NCLN: variants seen among roughly 807,000 people sequenced by gnomAD.
NCLN encodes BOS complex subunit NCLN.
In NCLN, 34 loss-of-function variants were observed where a neutral mutation model predicts 69.5. That is an observed-to-expected ratio of 0.49 (90% CI 0.37 to 0.65). The LOEUF (loss-of-function observed/expected upper bound fraction) is 0.65. Among genes scored for constraint, NCLN ranks in the 30% least tolerant of loss-of-function variants. The probability of loss-of-function intolerance (pLI) is 0.00; values close to 1 mark genes in which losing one functional copy is unlikely to be tolerated. For missense variants in NCLN, 710 were observed against 804.8 expected (o/e 0.88, Z 1.42); for synonymous variants, 393 against 358.3 (o/e 1.10, Z -1.09).
intron 5 of NCLN, among the ~76,000 whole-genome samples, chr19:3,200,553 G>T (rs953334603): frequency 6.6e-6 from 1 of 151,270 alleles, no homozygotes; most frequent in African/African-American, 2.4e-5. Flanking sequence ...CTTGTAATCT[G>T]CCCATCTTGG....
intron 1 of NCLN, among the ~76,000 whole-genome samples, chr19:3,189,511 G>T (rs539168326): frequency 2.0e-5 from 3 of 152,362 alleles, no homozygotes; most frequent in African/African-American, 7.2e-5. Flanking sequence ...GAGGGGAAAG[G>T]TTGGCCGTCT....
intron 1 of NCLN, among the ~76,000 whole-genome samples, chr19:3,190,734 CCCCGGCCCCCCTGCGTCAGGCCTGTA>C (rs373278029): frequency 0.012 from 1,781 of 152,254 alleles, 39 homozygotes; most frequent in African/African-American, 0.04. Context: ...CGGGGCCCGC[CCCCGGCCCCCCTGCGTCAGGCCTGTA>C]CCCGGCCCCC....
At chr19:3,201,416 G>A (rs1467255172) in intron 5 of NCLN, 107 bp from the exon 6 acceptor site, 2 of 757,214 alleles carry the variant, frequency 2.6e-6, no homozygotes, top group African/African-American at 1.7e-5. Context: ...GGCTACGGGA[G>A]TAGGGTGGGG....
Position 3,207,475 on chromosome 19 carries a change from C to T in NCLN, c.1632+6C>T, listed in dbSNP as rs1410575557. 1 of 1,612,686 alleles carries T rather than the reference C, an allele frequency of 6.2e-7. No individual in the cohort carries two copies. Among genetic ancestry groups the T allele is most frequent in the South Asian group, 1.1e-5 (1 of 91,088 alleles). On this transcript the variant is annotated splice_donor_region_variant and intron_variant, in intron 14 of 14. Coordinates refer to ENST00000246117, the MANE Select transcript of NCLN (RefSeq NM_020170.4). ...TGGCCTACGTGGCTGTCCAGGTGAGCAGTGCCCAGGCTCAGGTGGGGCAGG... is the reference window on the plus strand; with the variant it reads ...TGGCCTACGTGGCTGTCCAGGTGAGTAGTGCCCAGGCTCAGGTGGGGCAGG...
intron 1 of NCLN, among the ~76,000 whole-genome samples, chr19:3,189,154 C>A (rs952862498): frequency 6.6e-6 from 1 of 152,220 alleles, no homozygotes; most frequent in East Asian, 1.9e-4. Flanking sequence ...CACAGCACCC[C>A]TCTCCTGGGA....
rs950644314 is a variant in NCLN, at chr19:3,206,256, C to T, written c.1336-6C>T. 1.3e-6 allele frequency: 2 copies of T among 1,544,980 alleles called. No homozygotes were observed. The highest frequency in any genetic ancestry group is 1.4e-5 in the African/African-American group (1 of 72,958). ...CAGGCCATGACTACCACCACCGTCC[C>T]TACAGCAGATCCAGCAGGAGCAGCT... On this transcript the variant is annotated splice_region_variant and splice_polypyrimidine_tract_variant and intron_variant, in intron 11 of 14. Transcript: ENST00000246117.
Position 3,209,550 on chromosome 19 carries a change from A to G in NCLN, c.*1862A>G, listed in dbSNP as rs1484951738. 6.6e-6 allele frequency: 1 copy of G among 152,298 alleles called. No homozygotes were observed. Among genetic ancestry groups the G allele is most frequent in the Non-Finnish European group, 1.5e-5 (1 of 68,082 alleles). The allele number at this position is 152,298 out of a possible 1,614,324, so 9.4% of individuals were successfully genotyped here. A position where few individuals can be genotyped will look rare whatever the true frequency, so the allele number is the denominator to read the frequency against. On this transcript the variant is annotated 3_prime_UTR_variant, in exon 15 of 15. Coordinates refer to ENST00000246117, the MANE Select transcript of NCLN (RefSeq NM_020170.4). Reference sequence around the variant, plus strand: ...GTGGGATGCAGCCGGCCGATGAGAAAATAAAGCCATATTGAATGATCGCCA... The same window carrying G: ...GTGGGATGCAGCCGGCCGATGAGAAGATAAAGCCATATTGAATGATCGCCA...
chr19:3,193,249 G>A lies in NCLN; in HGVS notation c.376-35G>A, dbSNP rs375130706. 11 of 1,556,646 alleles carry A rather than the reference G, an allele frequency of 7.1e-6. No individual in the cohort carries two copies. The African/African-American group carries it at 1.6e-4, about 23-fold the overall frequency. ...CCTGCTACCTTGCCACCCCCACCAG[G>A]CCAGCAGCCCCCTAAGTGTGTGTCT... On this transcript the variant is annotated intron_variant, in intron 2 of 14. Transcript: ENST00000246117.
At chr19:3,193,556 A>T in intron 3 of NCLN, 128 bp downstream of exon 3, 3 of 1,165,254 alleles carry the variant, frequency 2.6e-6, no homozygotes, top group Non-Finnish European at 3.5e-6. Flanking sequence ...CGGGGTTAAC[A>T]GTGGGGGTTC....
At chr19:3,202,141 G>T (rs1916142693) in intron 6 of NCLN, among the ~76,000 whole-genome samples, 1 of 152,146 alleles carries the variant, frequency 6.6e-6, no homozygotes, top group Non-Finnish European at 1.5e-5. Context: ...GCCCCCGAGA[G>T]ACTATGTCCC....
rs749362062 is a variant in NCLN, at chr19:3,204,599, A to G, written c.1056A>G (p.Val352=). The G allele has an allele frequency of 1.3e-6, 2 of 1,571,082 alleles. No homozygotes were observed. The highest frequency in any genetic ancestry group is 1.7e-6 in the Non-Finnish European group (2 of 1,158,812). Residue 352 remains valine (V), a synonymous_variant, in exon 9 of 15, where the codon GTA becomes GTG. Transcript: ENST00000246117. ...TGGCCGCGCACCAGTTCCCTGAGGTACGGTTCTCCATGGTGCACAAGCGGA... is the reference window on the plus strand; with the variant it reads ...TGGCCGCGCACCAGTTCCCTGAGGTGCGGTTCTCCATGGTGCACAAGCGGA... The part of the protein sequence containing the change: ...ETVAAHQFPE[V]RFSMVHKRIN...
intron 5 of NCLN, among the ~76,000 whole-genome samples, chr19:3,200,414 G>A (rs1048126069): frequency 9.5e-5 from 14 of 146,942 alleles, no homozygotes; most frequent in Admixed American, 9.1e-4. Flanking sequence ...GGGTTCAAGC[G>A]ATTTTCCTGC....
chr19:3,193,355 C>T lies in NCLN; in HGVS notation c.447C>T (p.Asp149=), dbSNP rs769164585. The T allele has an allele frequency of 4.3e-6, 7 of 1,612,754 alleles. No individual in the cohort carries two copies. In the South Asian group the frequency reaches 4.4e-5, roughly 10 times the overall value. ...TAVPVYFAVE[D]EALLSIYKQT... ...TCCCCGTGTACTTTGCCGTGGAGGA[C>T]GAGGCCCTGCTGTCTATCTACAAGC... is the stretch of plus-strand genomic sequence containing the variant. The change falls in exon 3 of 15, where the codon GAC becomes GAT. Residue 149 remains aspartate, a synonymous_variant. Coordinates refer to ENST00000246117, the MANE Select transcript of NCLN (RefSeq NM_020170.4).
In NCLN at chr19:3,201,512, C is replaced by G. The variant is rs370999057; in HGVS notation, c.697-11C>G. On this transcript the variant is annotated splice_polypyrimidine_tract_variant and intron_variant, in intron 5 of 14. Transcript: ENST00000246117. ...GGGGTGACTGTGGCCTTGCCTCTCC[C>G]GTCCCTGTAGTGGCTGTCGCTGGGC... 5 of 1,543,794 alleles carry G rather than the reference C, an allele frequency of 3.2e-6. No homozygotes were observed. The highest frequency in any genetic ancestry group is 4.4e-6 in the Non-Finnish European group (5 of 1,149,352).
chr19:3,189,001 C>T (rs1422170175), intron 1 of NCLN, among the ~76,000 whole-genome samples: 3 of 152,252 alleles, frequency 2.0e-5, no homozygotes, highest in Non-Finnish European at 4.4e-5. Flanking sequence ...GTGCTTTCAC[C>T]CCCGGGCCCA....
At chr19:3,196,023 G>A (rs1231487434) in intron 3 of NCLN, among the ~76,000 whole-genome samples, 160 bp from the exon 4 acceptor site, 2 of 152,184 alleles carry the variant, frequency 1.3e-5, no homozygotes, top group African/African-American at 4.8e-5. Flanking sequence ...GTCCTAGGGG[G>A]AGCACGGGCA....
At chr19:3,197,141 G>A (rs1340087101) in intron 4 of NCLN, among the ~76,000 whole-genome samples, 2 of 152,222 alleles carry the variant, frequency 1.3e-5, no homozygotes, top group Non-Finnish European at 2.9e-5. Flanking sequence ...CGGGAGGCGC[G>A]TCCTATTCCC....
In NCLN at chr19:3,206,343, A is replaced by G. The variant is rs1449904395; in HGVS notation, c.1417A>G (p.Ser473Gly). 1.9e-6 allele frequency: 3 copies of G among 1,548,380 alleles called. No homozygotes were observed. Among genetic ancestry groups the G allele is most frequent in the Non-Finnish European group, 1.7e-6 (2 of 1,146,942 alleles). ...PRAAQLVDKD[S>G]TFLSTLEHHL... ...GGCCGCGCAGCTGGTGGACAAGGAC[A>G]GCACCTTCCTCAGCACGCTGGAGCA... Residue 473 changes from serine (S) to glycine (G), a missense_variant, in exon 12 of 15, where the codon AGC (serine) becomes GGC (glycine). Transcript: ENST00000246117.
intron 4 of NCLN, among the ~76,000 whole-genome samples, chr19:3,198,364 G>A (rs930085110): frequency 1.3e-5 from 2 of 151,954 alleles, no homozygotes; most frequent in Non-Finnish European, 2.9e-5. Context: ...AAAATTAGCC[G>A]GATGTGGTGG....
Sources: allele counts gnomAD v4.1 joint callset (sites outside exome capture counted in the v4.1 genomes callset), GRCh38; gene constraint gnomAD v4.1.1; transcripts MANE v1.5; gene names NCBI Gene and HGNC (gene_info 2026-07-23, HGNC 2026-07-21).